Variants in ZNF385D observed in about 807,000 individuals in gnomAD.
ZNF385D encodes zinc finger protein 659.
ZNF385D carries 15 observed loss-of-function variants against 35.8 expected under a neutral mutation model. The observed-to-expected ratio is 0.42, with a 90% CI of 0.28 to 0.64. The LOEUF (loss-of-function observed/expected upper bound fraction) is 0.64. Among genes scored for constraint, ZNF385D ranks in the 30% least tolerant of loss-of-function variants. The pLI is 0.23. For synonymous variants in ZNF385D, 212 were observed against 186.8 expected (o/e 1.13, Z -1.10); for missense variants, 474 against 494.6 (o/e 0.96, Z 0.39).
At chr3:21,500,250 G>A (rs961518003) in intron 4 of ZNF385D, among the ~76,000 whole-genome samples, 5 of 152,068 alleles carry the variant, frequency 3.3e-5, no homozygotes, top group African/African-American at 7.2e-5. Context: ...ATGTACTTTG[G>A]TATGTGTTAG....
intron 2 of ZNF385D, among the ~76,000 whole-genome samples, chr3:22,177,919 C>A (rs1559430859): frequency 2.0e-5 from 3 of 152,244 alleles, no homozygotes; most frequent in African/African-American, 7.2e-5. Context: ...TGAACTCATC[C>A]TTTTTTATGG....
chr3:21,722,945 C>A (rs1351719463), intron 1 of ZNF385D, among the ~76,000 whole-genome samples: 1 of 152,168 alleles, frequency 6.6e-6, no homozygotes. Flanking sequence ...AATTAGTTCC[C>A]TGGCTCGGAT....
At chr3:22,353,634 T>C (rs1267957668) in intron 2 of ZNF385D, among the ~76,000 whole-genome samples, 2 of 152,152 alleles carry the variant, frequency 1.3e-5, no homozygotes. Flanking sequence ...ATTTTAGATC[T>C]TGTCTCATGA....
At chr3:22,028,086 C>G (rs1258859230) in intron 3 of ZNF385D, among the ~76,000 whole-genome samples, 1 of 152,060 alleles carries the variant, frequency 6.6e-6, no homozygotes, top group Non-Finnish European at 1.5e-5. Context: ...GGGCTGTAGT[C>G]AATGGTTTGG....
intron 3 of ZNF385D, among the ~76,000 whole-genome samples, chr3:21,789,949 C>A (rs1450906593): frequency 6.6e-6 from 1 of 152,140 alleles, no homozygotes; most frequent in Non-Finnish European, 1.5e-5. Flanking sequence ...AGGAAATTGG[C>A]TAACACAGTC....
In ZNF385D at chr3:21,412,260, C is replaced by A. The variant is rs1469804600; in HGVS notation, c.*8954G>T. On this transcript the variant is annotated 3_prime_UTR_variant, in exon 8 of 8. Transcript: ENST00000281523. ...TTTTACTTTTTTTCTTTAATCAGCA[C>A]ATTTCTTTTGATAAATAGTCATGAG... The A allele has an allele frequency of 1.3e-5, 2 of 151,942 alleles. No homozygotes were observed. Among genetic ancestry groups the A allele is most frequent in the African/African-American group, 4.8e-5 (2 of 41,394 alleles). The allele number at this position is 151,942 out of a possible 1,614,324, so 9.4% of individuals were successfully genotyped here. A position where few individuals can be genotyped will look rare whatever the true frequency, so the allele number is the denominator to read the frequency against.
chr3:22,024,665 A>C, intron 3 of ZNF385D, among the ~76,000 whole-genome samples: 1 of 152,126 alleles, frequency 6.6e-6, no homozygotes, highest in East Asian at 1.9e-4. Context: ...CTGTTTAGAG[A>C]GTTATGCAAA....
At chr3:21,620,905 A>T (rs1435195409) in intron 2 of ZNF385D, among the ~76,000 whole-genome samples, 4 of 152,140 alleles carry the variant, frequency 2.6e-5, no homozygotes, top group Non-Finnish European at 5.9e-5. Flanking sequence ...AATCATCATA[A>T]GTGAATTCAT....
At chr3:22,318,452 G>T (rs947247949) in intron 2 of ZNF385D, among the ~76,000 whole-genome samples, 2 of 152,126 alleles carry the variant, frequency 1.3e-5, no homozygotes, top group Admixed American at 6.5e-5. Flanking sequence ...TCAGAAGCTT[G>T]AAGTAAATGG....
At chr3:22,048,785 G>A (rs1576227179) in intron 3 of ZNF385D, among the ~76,000 whole-genome samples, 1 of 152,146 alleles carries the variant, frequency 6.6e-6, no homozygotes. Context: ...AGTGGAAAAT[G>A]TCATTGGAAT....
intron 3 of ZNF385D, among the ~76,000 whole-genome samples, chr3:21,810,799 A>T (rs2125707353): frequency 6.6e-6 from 1 of 152,152 alleles, no homozygotes; most frequent in East Asian, 1.9e-4. Context: ...ATTTATATTG[A>T]ATGAGTTAAT....
chr3:21,465,221 G>C lies in ZNF385D; in HGVS notation c.440-28018C>G, dbSNP rs929901308. Among the ~76,000 whole-genome samples, 1 of 151,920 alleles carries C rather than the reference G, an allele frequency of 6.6e-6. No homozygotes were observed. The highest frequency in any genetic ancestry group is 2.4e-5 in the African/African-American group (1 of 41,356). The stretch of plus-strand genomic sequence containing the variant: ...ATTTTCACTTTTATTTTCACATAGG[G>C]AACTACACTTATCTCCAGAGTCTTC... On this transcript the variant is annotated intron_variant, in intron 4 of 7. Coordinates refer to ENST00000281523, the MANE Select transcript of ZNF385D (RefSeq NM_024697.3). This position sits in a 1 kb window ranked among gnomAD's most constrained non-coding sequence, Gnocchi z 4.2.
At chr3:22,001,223 C>T (rs913528267) in intron 3 of ZNF385D, among the ~76,000 whole-genome samples, 1 of 151,750 alleles carries the variant, frequency 6.6e-6, no homozygotes, top group Non-Finnish European at 1.5e-5. Context: ...TTTTTTTAAG[C>T]AATAATATGC....
chr3:22,135,309 CACACATACCCCAACAT>C (rs1475160165), intron 3 of ZNF385D, among the ~76,000 whole-genome samples: 3 of 136,842 alleles, frequency 2.2e-5, no homozygotes, highest in African/African-American at 1.1e-4. Flanking sequence ...CACACACACA[CACACATACCCCAACAT>C]ACACACATAC....
At chr3:21,845,695 A>G (rs910918091) in intron 3 of ZNF385D, among the ~76,000 whole-genome samples, 2 of 151,938 alleles carry the variant, frequency 1.3e-5, no homozygotes, top group African/African-American at 4.8e-5. Flanking sequence ...CACATTTGCC[A>G]TATTATAACA....
intron 2 of ZNF385D, among the ~76,000 whole-genome samples, chr3:21,637,734 G>C (rs969657538): frequency 4.6e-5 from 7 of 152,034 alleles, no homozygotes; most frequent in African/African-American, 1.7e-4. Context: ...GAGTTCACTT[G>C]TTTCTTTCTA....
chr3:21,525,684 C>CA (rs11308733), intron 3 of ZNF385D, among the ~76,000 whole-genome samples: 4,402 of 88,294 alleles, frequency 0.05, 108 homozygotes, highest in Non-Finnish European at 0.058. Context: ...AATTCCATCT[C>CA]AAAAAAAAAA....
chr3:21,504,388 G>A (rs568402511), intron 4 of ZNF385D, among the ~76,000 whole-genome samples: 25 of 152,160 alleles, frequency 1.6e-4, no homozygotes, highest in South Asian at 1.4e-3. Context: ...CTGTTCTTTC[G>A]TGAAACCACC....
intron 3 of ZNF385D, among the ~76,000 whole-genome samples, chr3:22,010,132 A>G (rs1287404889): frequency 2.0e-5 from 3 of 152,194 alleles, no homozygotes; most frequent in Non-Finnish European, 4.4e-5. Context: ...CAAGATTCCA[A>G]GATGAGAAGA....
Sources: allele counts gnomAD v4.1 joint callset (sites outside exome capture counted in the v4.1 genomes callset), GRCh38; gene constraint gnomAD v4.1.1; non-coding constraint Gnocchi (gnomAD v3.1); transcripts MANE v1.5; gene names NCBI Gene and HGNC (gene_info 2026-07-23, HGNC 2026-07-21).